TMPRSS11D: variants seen among roughly 807,000 people sequenced by gnomAD.
The protein encoded by TMPRSS11D is transmembrane protease serine 11D.
Under a neutral mutation model 44.4 loss-of-function variants are expected in TMPRSS11D, and 32 were observed. The observed-to-expected ratio is 0.72, with a 90% CI of 0.54 to 0.97. The LOEUF (loss-of-function observed/expected upper bound fraction) is 0.97. Among genes scored for constraint, TMPRSS11D ranks in the 50% least tolerant of loss-of-function variants. The pLI, the probability that TMPRSS11D is intolerant of heterozygous loss-of-function variation, is 0.00. For missense variants in TMPRSS11D, 446 were observed against 502.6 expected (o/e 0.89, Z 1.08); for synonymous variants, 179 against 177.9 (o/e 1.01, Z -0.05).
intron 7 of TMPRSS11D, among the ~76,000 whole-genome samples, chr4:67,829,326 ATCT>A (rs1202114045): frequency 2.6e-5 from 4 of 151,914 alleles, no homozygotes; most frequent in Non-Finnish European, 2.9e-5. Flanking sequence ...TTTTTATTTT[ATCT>A]TTTAATTTTA....
chr4:67,827,499 C>G lies in TMPRSS11D; in HGVS notation c.714G>C (p.Trp238Cys). 1 of 1,605,880 alleles carries G rather than the reference C, an allele frequency of 6.2e-7. No individual in the cohort carries two copies. Among genetic ancestry groups the G allele is most frequent in the Non-Finnish European group, 8.5e-7 (1 of 1,175,602 alleles). Residue 238 changes from tryptophan to cysteine, a missense_variant, in exon 8 of 10, where the codon TGG (tryptophan) becomes TGC (cysteine). Transcript: ENST00000283916. ...CFRSNSNPRD[W>C]IATSGISTTF... ...TTGTGGAAATACCAGACGTGGCAATCCAGTCACGAGGATTAGAGTTGCTAA... is the reference window on the plus strand; with the variant it reads ...TTGTGGAAATACCAGACGTGGCAATGCAGTCACGAGGATTAGAGTTGCTAA...
chr4:67,872,245 G>C (rs918200279), intron 1 of TMPRSS11D, among the ~76,000 whole-genome samples: 1 of 151,918 alleles, frequency 6.6e-6, no homozygotes, highest in Non-Finnish European at 1.5e-5. Context: ...TTCCCTGTCT[G>C]GATTTAGTTT....
At chr4:67,848,620 A>G (rs1718416150) in intron 3 of TMPRSS11D, among the ~76,000 whole-genome samples, 1 of 152,226 alleles carries the variant, frequency 6.6e-6, no homozygotes. Context: ...CATTTCTTAG[A>G]GGAAATGCTT....
chr4:67,872,744 G>A (rs759227549), intron 1 of TMPRSS11D, among the ~76,000 whole-genome samples: 1 of 152,130 alleles, frequency 6.6e-6, no homozygotes, highest in Non-Finnish European at 1.5e-5. Flanking sequence ...AAAAGACTCA[G>A]CCCATTCAGT....
chr4:67,845,352 G>A (rs79326254), intron 3 of TMPRSS11D, among the ~76,000 whole-genome samples: 16,307 of 152,166 alleles, frequency 0.11, 1,114 homozygotes, highest in East Asian at 0.31. Context: ...GTATTCTAAT[G>A]AGATAGTGAT....
At chr4:67,872,585 C>T (rs1453909476) in intron 1 of TMPRSS11D, among the ~76,000 whole-genome samples, 3 of 152,062 alleles carry the variant, frequency 2.0e-5, no homozygotes, top group African/African-American at 7.2e-5. Flanking sequence ...ACCTTAAACA[C>T]GTGAAGTTTC....
At chr4:67,852,810 A>G (rs1032676321) in intron 3 of TMPRSS11D, among the ~76,000 whole-genome samples, 9 of 152,172 alleles carry the variant, frequency 5.9e-5, no homozygotes. Flanking sequence ...TTAAGCATCA[A>G]CCCGACCAAA....
rs375078368 is a variant in TMPRSS11D, at chr4:67,871,987, C to T, written c.8+11939G>A. ...GTACTGAGTGTTGGTAACCTGTTTCCAAGAATCATAAGAGAGAGAGCCCTG... is the reference window on the plus strand; with the variant it reads ...GTACTGAGTGTTGGTAACCTGTTTCTAAGAATCATAAGAGAGAGAGCCCTG... On this transcript the variant is annotated intron_variant, in intron 1 of 9. Transcript: ENST00000283916. Among the ~76,000 whole-genome samples the T allele has an allele frequency of 2.0e-5, 3 of 152,106 alleles. No individual in the cohort carries two copies. In the East Asian group the frequency reaches 5.8e-4, roughly 29 times the overall value.
At chr4:67,826,816 C>T (rs1423168257) in intron 8 of TMPRSS11D, among the ~76,000 whole-genome samples, 5 of 151,006 alleles carry the variant, frequency 3.3e-5, no homozygotes, top group African/African-American at 4.9e-5. Context: ...ATTCTAGCTA[C>T]TTGGGAGGCT....
intron 6 of TMPRSS11D, chr4:67,833,682 G>C (rs1036806114): frequency 6.0e-5 from 13 of 217,182 alleles, no homozygotes; most frequent in African/African-American, 3.0e-4. Context: ...GTCATTATTG[G>C]ATGTGCCAGC....
At chr4:67,847,313 C>T (rs1338813583) in intron 3 of TMPRSS11D, among the ~76,000 whole-genome samples, 1 of 152,152 alleles carries the variant, frequency 6.6e-6, no homozygotes, top group Non-Finnish European at 1.5e-5. Context: ...ACTGGCATTG[C>T]TTTACCTGTT....
intron 1 of TMPRSS11D, among the ~76,000 whole-genome samples, chr4:67,869,572 A>G (rs1197544814): frequency 1.3e-5 from 2 of 152,192 alleles, no homozygotes; most frequent in African/African-American, 4.8e-5. Flanking sequence ...CTAAAAACAC[A>G]GACAGTGATT....
At chr4:67,864,913 T>A (rs1277382772) in intron 1 of TMPRSS11D, among the ~76,000 whole-genome samples, 2 of 151,744 alleles carry the variant, frequency 1.3e-5, no homozygotes, top group African/African-American at 4.8e-5. Context: ...AGGAATACAA[T>A]AATGATGGAG....
At chr4:67,837,751 A>G (rs1027603937) in intron 5 of TMPRSS11D, among the ~76,000 whole-genome samples, 3 of 152,108 alleles carry the variant, frequency 2.0e-5, no homozygotes, top group Non-Finnish European at 4.4e-5. Flanking sequence ...GCCAAACAAT[A>G]CAAAATTTAC....
intron 4 of TMPRSS11D, 93 bp from the exon 5 acceptor site, chr4:67,838,422 A>G: frequency 8.2e-7 from 1 of 1,224,904 alleles, no homozygotes; most frequent in Non-Finnish European, 1.1e-6. Context: ...CCTTTTAAAG[A>G]ATTCATTTGT....
chr4:67,833,524 T>C lies in TMPRSS11D; in HGVS notation c.515-143A>G, dbSNP rs1430835674. On this transcript the variant is annotated intron_variant, in intron 6 of 9. Coordinates refer to ENST00000283916, the MANE Select transcript of TMPRSS11D (RefSeq NM_004262.3). ...ATGCTGGATTTTCCAAAAAGCATGA[T>C]CGATATATTTCTACAATGCATTTGT... The C allele has an allele frequency of 7.4e-6, 5 of 672,224 alleles. No individual in the cohort carries two copies. The East Asian group carries it at 1.6e-4, about 22-fold the overall frequency. 41.6% of individuals were successfully genotyped at this position (672,224 alleles called of 1,614,324 possible).
chr4:67,855,531 G>A (rs947404728), intron 2 of TMPRSS11D, among the ~76,000 whole-genome samples: 1 of 151,954 alleles, frequency 6.6e-6, no homozygotes, highest in Non-Finnish European at 1.5e-5. Context: ...CAACAAACTA[G>A]GCTTAGAAGG....
intron 6 of TMPRSS11D, among the ~76,000 whole-genome samples, chr4:67,834,033 G>C (rs1037109949): frequency 1.3e-5 from 2 of 152,132 alleles, no homozygotes; most frequent in African/African-American, 4.8e-5. Flanking sequence ...AGGGTTTCTA[G>C]TATCTAAATA....
chr4:67,856,452 T>C (rs1342930063), intron 2 of TMPRSS11D, among the ~76,000 whole-genome samples: 2 of 152,094 alleles, frequency 1.3e-5, no homozygotes, highest in African/African-American at 4.8e-5. Context: ...AACTGGACCC[T>C]TATCTCTCAC....
Sources: allele counts gnomAD v4.1 joint callset (sites outside exome capture counted in the v4.1 genomes callset), GRCh38; gene constraint gnomAD v4.1.1; transcripts MANE v1.5; gene names NCBI Gene and HGNC (gene_info 2026-07-23, HGNC 2026-07-21).